The following MYOM2 variants were observed in gnomAD, a reference collection of about 807,000 sequenced individuals.
The protein encoded by MYOM2 is myomesin 2.
In MYOM2, 254 loss-of-function variants were observed where a neutral mutation model predicts 187.6. The observed-to-expected ratio is 1.35, with a 90% CI of 1.22 to 1.50. The LOEUF (loss-of-function observed/expected upper bound fraction) is 1.50. Among genes scored for constraint, MYOM2 ranks in the 40% most tolerant of loss-of-function variants. The pLI is 0.00. For synonymous variants in MYOM2, 981 were observed against 753.8 expected, an observed-to-expected ratio of 1.30 and a Z score of -4.94; for missense variants, 2,796 against 1,924.0, an observed-to-expected ratio of 1.45 and a Z score of -8.48.
intron 14 of MYOM2, among the ~76,000 whole-genome samples, chr8:2,088,752 G>C (rs1301159544): frequency 6.6e-6 from 1 of 152,228 alleles, no homozygotes; most frequent in Non-Finnish European, 1.5e-5. Context: ...CTGGTAGAAT[G>C]GTTTATTTTC....
chr8:2,100,828 G>T (rs755489722), intron 19 of MYOM2, 48 bp from the exon 20 acceptor site: 2 of 1,601,918 alleles, frequency 1.2e-6, no homozygotes, highest in African/African-American at 2.7e-5. Flanking sequence ...CGGTGGGTGT[G>T]CTGGACTGGC....
Position 2,076,161 on chromosome 8 carries a change from G to T in MYOM2, c.1141G>T (p.Gly381Trp). 1 of 1,612,452 alleles carries T rather than the reference G, an allele frequency of 6.2e-7. No homozygotes were observed. The highest frequency in any genetic ancestry group is 2.2e-5 in the East Asian group (1 of 44,854). The stretch of plus-strand genomic sequence containing the variant: ...CCAAGATGCTGACCCGCTGGTCACA[G>T]GGGCCCCCGGTGCACCCATGGACTT... ...FVRDADPLVT[G>W]APGAPMDLQC... The change falls in exon 11 of 37, where the codon GGG (glycine) becomes TGG (tryptophan). Residue 381 changes from glycine (G) to tryptophan (W), a missense_variant. Transcript: ENST00000262113.
Position 2,073,466 on chromosome 8 carries a change from C to A in MYOM2, c.1086C>A (p.Gly362=). 1 of 1,608,740 alleles carries A rather than the reference C, an allele frequency of 6.2e-7. No individual in the cohort carries two copies. The highest frequency in any genetic ancestry group is 8.5e-7 in the Non-Finnish European group (1 of 1,179,376). The change falls in exon 10 of 37, where the codon GGC becomes GGA. Residue 362 remains glycine, a synonymous_variant. Coordinates refer to ENST00000262113, the MANE Select transcript of MYOM2 (RefSeq NM_003970.4). ...LYTLRIVSRG[G]VSDHSAFLFV... is the part of the protein sequence containing the mutation. Reference sequence around the variant, plus strand: ...CCCTGCGCATCGTGTCTCGGGGCGGCGTCAGCGACCACAGCGCCTTCCTGT... The same window carrying A: ...CCCTGCGCATCGTGTCTCGGGGCGGAGTCAGCGACCACAGCGCCTTCCTGT...
chr8:2,102,344 T>G (rs1430741725), intron 20 of MYOM2: 1 of 242,314 alleles, frequency 4.1e-6, no homozygotes, highest in African/African-American at 2.2e-5. Flanking sequence ...AAAATAGTAT[T>G]TGGTTCCACA....
chr8:2,076,251 G>A lies in MYOM2; in HGVS notation c.1231G>A (p.Glu411Lys). 1 of 1,613,770 alleles carries A rather than the reference G, an allele frequency of 6.2e-7. No individual in the cohort carries two copies. The highest frequency in any genetic ancestry group is 8.5e-7 in the Non-Finnish European group (1 of 1,179,934). ...VTWKPPNTTT[E>K]SPVMGYFVDR... is the part of the protein sequence containing the mutation. ...CTGGAAGCCGCCCAACACCACCACT[G>A]AGAGCCCCGTCATGGGCTATTTTGT... The change falls in exon 11 of 37, where the codon GAG becomes AAG. Residue 411 changes from glutamate (E) to lysine (K), a missense_variant. Transcript: ENST00000262113.
At position 2,073,502 on chromosome 8, in the gene MYOM2, T is replaced by C; in HGVS notation, c.1120+2T>C. Reference sequence around the variant, plus strand: ...ACAGCGCCTTCCTGTTTGTCAGAGGTGCGGGCAGCAGGGTTCTCAGGGTGC... The same window carrying C: ...ACAGCGCCTTCCTGTTTGTCAGAGGCGCGGGCAGCAGGGTTCTCAGGGTGC... On this transcript the variant is annotated splice_donor_variant, in intron 10 of 36. Coordinates refer to ENST00000262113, the MANE Select transcript of MYOM2 (RefSeq NM_003970.4). LOFTEE classifies it high-confidence loss of function. 1 of 1,598,192 alleles carries C rather than the reference T, an allele frequency of 6.3e-7. No homozygotes were observed. The highest frequency in any genetic ancestry group is 1.1e-5 in the South Asian group (1 of 90,356).
intron 32 of MYOM2, among the ~76,000 whole-genome samples, chr8:2,132,031 G>A (rs1360087308): frequency 6.6e-6 from 1 of 152,106 alleles, no homozygotes; most frequent in African/African-American, 2.4e-5. Flanking sequence ...AACTATATTA[G>A]GTAGTCATCA....
chr8:2,056,577 T>C (rs987653828), intron 3 of MYOM2, among the ~76,000 whole-genome samples: 3 of 152,200 alleles, frequency 2.0e-5, no homozygotes, highest in Non-Finnish European at 4.4e-5. Context: ...TTATTATTAT[T>C]ATTTTTAGTA....
chr8:2,143,037 T>C, intron 35 of MYOM2, among the ~76,000 whole-genome samples: 1 of 151,996 alleles, frequency 6.6e-6, no homozygotes, highest in East Asian at 2.0e-4. Flanking sequence ...ATTACAGGCG[T>C]GAGCCACTGC....
chr8:2,070,442 C>G (rs1218416801), intron 8 of MYOM2, among the ~76,000 whole-genome samples: 1 of 152,154 alleles, frequency 6.6e-6, no homozygotes, highest in African/African-American at 2.4e-5. Context: ...CGGTGAGCCC[C>G]CAAGACCACC....
Position 2,090,186 on chromosome 8 carries a change from T to A in MYOM2, c.1823T>A (p.Val608Glu). The change falls in exon 15 of 37, where the codon GTG becomes GAG. Residue 608 changes from valine (V) to glutamate (E), a missense_variant. Coordinates refer to ENST00000262113, the MANE Select transcript of MYOM2 (RefSeq NM_003970.4). Reference protein sequence around the residue: ...EITSPIQAQDVTVVPSAPGRV... With the variant: ...EITSPIQAQDETVVPSAPGRV... ...ACGTCCCCCATTCAGGCCCAGGATGTGACCGGTGAGCTGTCACACTGGGTG... is the reference window on the plus strand; with the variant it reads ...ACGTCCCCCATTCAGGCCCAGGATGAGACCGGTGAGCTGTCACACTGGGTG... The A allele has an allele frequency of 1.9e-6, 3 of 1,612,580 alleles. No individual in the cohort carries two copies. The highest frequency in any genetic ancestry group is 2.5e-6 in the Non-Finnish European group (3 of 1,178,906).
Position 2,144,625 on chromosome 8 carries a change from T to C in MYOM2, c.4081-39T>C, listed in dbSNP as rs540320151. The C allele has an allele frequency of 2.7e-5, 44 of 1,604,386 alleles. No homozygotes were observed. The Admixed American group carries it at 6.0e-4, about 22-fold the overall frequency. On this transcript the variant is annotated intron_variant, in intron 36 of 36. Transcript: ENST00000262113. ...GAGGGGGTGACATGACTTTCCTTTT[T>C]CTAACTCTTCCTTCTCCACCAACCT...
intron 3 of MYOM2, among the ~76,000 whole-genome samples, chr8:2,055,698 T>G (rs113096291): frequency 0.032 from 4,899 of 152,256 alleles, 295 homozygotes; most frequent in African/African-American, 0.11. Context: ...TAATCGCTGC[T>G]GGGGAAGCGC....
At chr8:2,068,512 G>C (rs1819099791) in intron 6 of MYOM2, among the ~76,000 whole-genome samples, 1 of 150,060 alleles carries the variant, frequency 6.7e-6, no homozygotes, top group South Asian at 2.1e-4. Flanking sequence ...ACCAGGCAGA[G>C]AGCATCCTGG....
At chr8:2,120,132 C>G (rs1281041007) in intron 28 of MYOM2, among the ~76,000 whole-genome samples, 1 of 152,008 alleles carries the variant, frequency 6.6e-6, no homozygotes, top group South Asian at 2.1e-4. Context: ...CATAGGGGTG[C>G]TGGGATTGAT....
chr8:2,129,723 C>T (rs1323726795), intron 32 of MYOM2, among the ~76,000 whole-genome samples: 1 of 152,186 alleles, frequency 6.6e-6, no homozygotes, highest in Non-Finnish European at 1.5e-5. Context: ...TGGGTCGGTA[C>T]GGATCACTGA....
chr8:2,102,142 A>C (rs1054725877), intron 20 of MYOM2: 1 of 152,442 alleles, frequency 6.6e-6, no homozygotes, highest in Non-Finnish European at 1.5e-5. Flanking sequence ...GATGACAGGA[A>C]ACAGCCAGTG....
At chr8:2,129,345 A>C (rs955247302) in intron 32 of MYOM2, 113 bp downstream of exon 32, 6 of 616,732 alleles carry the variant, frequency 9.7e-6, no homozygotes, top group African/African-American at 7.3e-5. Context: ...TTCCCCTCAA[A>C]ATTTTATAAT....
At chr8:2,125,101 T>C (rs1797591298) in intron 31 of MYOM2, among the ~76,000 whole-genome samples, 1 of 152,194 alleles carries the variant, frequency 6.6e-6, no homozygotes, top group African/African-American at 2.4e-5. Flanking sequence ...TGCAGTACCA[T>C]TTATTTACTT....
Sources: allele counts gnomAD v4.1 joint callset (sites outside exome capture counted in the v4.1 genomes callset), GRCh38; gene constraint gnomAD v4.1.1; transcripts MANE v1.5; gene names NCBI Gene and HGNC (gene_info 2026-07-23, HGNC 2026-07-21).